Variants in SCN10A observed in about 807,000 individuals in gnomAD.
The protein encoded by SCN10A is sodium channel protein type 10 subunit alpha.
In SCN10A, 162 loss-of-function variants were observed where a neutral mutation model predicts 170.7. The observed-to-expected ratio is 0.95, with a 90% CI of 0.84 to 1.08. SCN10A has a LOEUF of 1.08. Among genes scored for constraint, SCN10A ranks in the 50% least tolerant of loss-of-function variants. The pLI is 0.00. For missense variants in SCN10A, 2,527 were observed against 2,436.9 expected (o/e 1.04, Z -0.78); for synonymous variants, 985 against 904.6 (o/e 1.09, Z -1.59).
At chr3:38,812,731 A>G (rs977721993) in intron 1 of SCN10A, among the ~76,000 whole-genome samples, 4 of 151,862 alleles carry the variant, frequency 2.6e-5, no homozygotes, top group African/African-American at 9.7e-5. Flanking sequence ...CCTCTCTTCT[A>G]TCTATCTAAA....
In SCN10A at chr3:38,697,970, C is replaced by T. The variant is rs1188862833; in HGVS notation, c.5250G>A (p.Lys1750=). 5.0e-6 allele frequency: 8 copies of T among 1,614,214 alleles called. No homozygotes were observed. The highest frequency in any genetic ancestry group is 1.6e-4 in the Middle Eastern group (1 of 6,062). ...DFDMFYETWE[K]FDPEATQFIT... is the part of the protein sequence containing the mutation. Reference sequence around the variant, plus strand: ...TAAACTGAGTGGCCTCTGGGTCAAACTTCTCCCAGGTCTCATAGAACATGT... The same window carrying T: ...TAAACTGAGTGGCCTCTGGGTCAAATTTCTCCCAGGTCTCATAGAACATGT... Residue 1750 remains lysine, a synonymous_variant, in exon 28 of 28, where the codon AAG becomes AAA. Transcript: ENST00000449082.
chr3:38,741,056 C>A (rs1397076973), intron 14 of SCN10A, among the ~76,000 whole-genome samples: 1 of 152,164 alleles, frequency 6.6e-6, no homozygotes, highest in Non-Finnish European at 1.5e-5. Context: ...ACTGCTGCCC[C>A]TTTCACAGCC....
At chr3:38,803,502 G>C (rs2064386166) in intron 1 of SCN10A, among the ~76,000 whole-genome samples, 1 of 152,050 alleles carries the variant, frequency 6.6e-6, no homozygotes, top group South Asian at 2.1e-4. Context: ...CCTTTGTAGG[G>C]ACATGGATGA....
At chr3:38,804,349 C>T (rs895605851) in intron 1 of SCN10A, among the ~76,000 whole-genome samples, 1 of 152,134 alleles carries the variant, frequency 6.6e-6, no homozygotes, top group African/African-American at 2.4e-5. Context: ...CCCCTGGCCA[C>T]TTTGTACTCC....
At chr3:38,782,211 G>A (rs935729337) in intron 4 of SCN10A, among the ~76,000 whole-genome samples, 7 of 152,056 alleles carry the variant, frequency 4.6e-5, no homozygotes, top group Non-Finnish European at 1.0e-4. Flanking sequence ...AGCAGTAAGT[G>A]AACATACTCT....
At chr3:38,737,460 G>T (rs1444159063) in intron 15 of SCN10A, among the ~76,000 whole-genome samples, 1 of 152,152 alleles carries the variant, frequency 6.6e-6, no homozygotes, top group Non-Finnish European at 1.5e-5. Flanking sequence ...GACCTTGTAA[G>T]ATTTTCAAGT....
chr3:38,753,912 A>G (rs979239121), intron 11 of SCN10A, among the ~76,000 whole-genome samples: 5 of 152,082 alleles, frequency 3.3e-5, no homozygotes, highest in Non-Finnish European at 4.4e-5. Context: ...TTCCACAAAA[A>G]CCCTCCTGGG....
chr3:38,733,297 T>G (rs529890639), intron 15 of SCN10A, among the ~76,000 whole-genome samples: 2 of 152,340 alleles, frequency 1.3e-5, no homozygotes. Flanking sequence ...AGTCACTTCT[T>G]GGAGTCCCAC....
chr3:38,810,528 C>T (rs1366050397), intron 1 of SCN10A, among the ~76,000 whole-genome samples: 3 of 152,146 alleles, frequency 2.0e-5, no homozygotes, highest in Non-Finnish European at 4.4e-5. Context: ...ATCAGGGAGG[C>T]CTTTCTTGGT....
At chr3:38,703,070 G>T (rs1315625264) in intron 26 of SCN10A, among the ~76,000 whole-genome samples, 1 of 152,092 alleles carries the variant, frequency 6.6e-6, no homozygotes, top group Non-Finnish European at 1.5e-5. Context: ...GTACCTCAGG[G>T]GTTAGGCCTG....
At position 38,697,683 on chromosome 3, in the gene SCN10A, A is replaced by T. The variant is rs763148029; in HGVS notation, c.5537T>A (p.Leu1846His). 2 of 1,614,056 alleles carry T rather than the reference A, an allele frequency of 1.2e-6. No homozygotes were observed. The highest frequency in any genetic ancestry group is 1.7e-6 in the Non-Finnish European group (2 of 1,180,022). The change falls in exon 28 of 28, where the codon CTC (leucine) becomes CAC (histidine). Residue 1846 changes from leucine to histidine, a missense_variant. Leu to His is a moderately conservative substitution (Grantham distance 99). Coordinates refer to ENST00000449082, the MANE Select transcript of SCN10A (RefSeq NM_006514.4). ...KSSYEPIATTLRWKQEDISAT... is the reference protein window; with the variant it reads ...KSSYEPIATTHRWKQEDISAT... The stretch of plus-strand genomic sequence containing the variant: ...TGAAATGTCTTCTTGCTTCCATCGG[A>T]GAGTGGTTGCTATTGGTTCATAGGA...
chr3:38,727,480 T>C (rs1336417780), intron 16 of SCN10A, among the ~76,000 whole-genome samples: 1 of 152,054 alleles, frequency 6.6e-6, no homozygotes, highest in Non-Finnish European at 1.5e-5. Context: ...CAAAATGATA[T>C]GAGAAATGTA....
intron 13 of SCN10A, among the ~76,000 whole-genome samples, chr3:38,749,695 A>C (rs1437185166): frequency 6.6e-6 from 1 of 152,212 alleles, no homozygotes; most frequent in African/African-American, 2.4e-5. Context: ...AAACCATGAA[A>C]AGGATAATTT....
At chr3:38,707,141 T>A in intron 26 of SCN10A, 138 bp downstream of exon 26, 2 of 797,102 alleles carry the variant, frequency 2.5e-6, no homozygotes, top group Non-Finnish European at 3.9e-6. Flanking sequence ...CTAGGAACCC[T>A]CATCACCCTC....
At chr3:38,790,830 G>A (rs2064271995) in intron 3 of SCN10A, among the ~76,000 whole-genome samples, 1 of 152,112 alleles carries the variant, frequency 6.6e-6, no homozygotes, top group African/African-American at 2.4e-5. Flanking sequence ...TGATGGTATT[G>A]ACACTTAGGA....
intron 5 of SCN10A, among the ~76,000 whole-genome samples, chr3:38,766,870 T>C (rs1039878559): frequency 6.6e-6 from 1 of 152,164 alleles, no homozygotes; most frequent in African/African-American, 2.4e-5. Flanking sequence ...GGACTTTTTT[T>C]CCTTGGCAAT....
rs537482386 is a variant in SCN10A at position 38,780,648 on chromosome 3, CT to C, written c.470+8307del. On this transcript the variant is annotated intron_variant, in intron 4 of 27. Coordinates refer to ENST00000449082, the MANE Select transcript of SCN10A (RefSeq NM_006514.4). ...ACATCATTTTAATGTGCATTTCTCA[CT>C]TTTTTTTTTGCTAATGACTTATTAC... 3.9e-3 allele frequency among the ~76,000 whole-genome samples: 579 copies of C among 148,118 alleles called. 6 individuals carry two copies. Among genetic ancestry groups the C allele is most frequent in the Non-Finnish European group, 4.6e-3 (308 of 66,726 alleles).
At chr3:38,716,473 C>T (rs1035103009) in intron 21 of SCN10A, among the ~76,000 whole-genome samples, 4 of 152,154 alleles carry the variant, frequency 2.6e-5, no homozygotes, top group African/African-American at 9.7e-5. Flanking sequence ...GTGACTCGCA[C>T]CTCCTTTCCT....
chr3:38,748,229 C>G (rs1158559217), intron 13 of SCN10A, among the ~76,000 whole-genome samples: 1 of 152,122 alleles, frequency 6.6e-6, no homozygotes, highest in African/African-American at 2.4e-5. Context: ...GTGGGAATAG[C>G]AGCTTGGTCA....
Sources: gnomAD v4.1 joint callset for allele counts (sites outside exome capture counted in the v4.1 genomes callset) on GRCh38, gnomAD v4.1.1 for gene constraint, MANE v1.5 for transcripts, NCBI Gene and HGNC (gene_info 2026-07-23, HGNC 2026-07-21) for gene names.